Variants in PRPF18 observed in about 807,000 individuals in gnomAD.
PRPF18 encodes the protein pre-mRNA processing factor 18.
In PRPF18, 38 loss-of-function variants were observed where a neutral mutation model predicts 46.5. The observed-to-expected ratio is 0.82, with a 90% CI of 0.63 to 1.07. The LOEUF (loss-of-function observed/expected upper bound fraction) is 1.07, where lower values mean the gene tolerates loss of function less well. Among genes scored for constraint, PRPF18 ranks in the 50% least tolerant of loss-of-function variants. The pLI, the probability that PRPF18 is intolerant of heterozygous loss-of-function variation, is 0.00. For synonymous variants in PRPF18, 152 were observed against 146.7 expected (o/e 1.04, Z -0.26); for missense variants, 263 against 410.0 (o/e 0.64, Z 3.10).
intron 8 of PRPF18, 138 bp from the exon 9 acceptor site, chr10:13,616,260 C>G: frequency 2.4e-6 from 2 of 820,550 alleles, no homozygotes; most frequent in South Asian, 3.8e-5. Flanking sequence ...GTTTGAATAA[C>G]AGTCATGGTA....
intron 9 of PRPF18, among the ~76,000 whole-genome samples, chr10:13,627,332 G>A (rs2080523382): frequency 6.6e-6 from 1 of 152,108 alleles, no homozygotes; most frequent in Non-Finnish European, 1.5e-5. Context: ...CTTCGCTACT[G>A]TATTTCCAGA....
In PRPF18 at chr10:13,616,698, A is replaced by G. The variant is rs2080345817; in HGVS notation, c.948+145A>G. 3.0e-6 allele frequency: 3 copies of G among 995,152 alleles called. No homozygotes were observed. The East Asian group carries it at 7.8e-5, about 26-fold the overall frequency. 61.6% of individuals were successfully genotyped at this position (995,152 alleles called of 1,614,324 possible). On this transcript the variant is annotated intron_variant, in intron 9 of 9. Coordinates refer to ENST00000378572, the MANE Select transcript of PRPF18 (RefSeq NM_003675.4). Reference sequence around the variant, plus strand: ...AAGTCCCCTCTGGATAAGCACTGACACTGAAGCCACCTTCACTGAATAAAG... The same window carrying G: ...AAGTCCCCTCTGGATAAGCACTGACGCTGAAGCCACCTTCACTGAATAAAG...
intron 5 of PRPF18, among the ~76,000 whole-genome samples, chr10:13,610,455 G>A (rs926451348): frequency 1.3e-5 from 2 of 152,150 alleles, no homozygotes; most frequent in Non-Finnish European, 2.9e-5. Context: ...TGTTTTGTGA[G>A]CATGTATTTT....
downstream of PRPF18, chr10:13,631,014 C>G (rs1260324145): frequency 6.6e-6 from 1 of 152,164 alleles, no homozygotes; most frequent in East Asian, 1.9e-4. Context: ...TCATAGCAAA[C>G]TAAGTTCAAA....
intron 9 of PRPF18, among the ~76,000 whole-genome samples, chr10:13,623,305 G>C (rs1454788403): frequency 1.3e-5 from 2 of 152,142 alleles, no homozygotes; most frequent in East Asian, 3.8e-4. Context: ...TACTTACTAA[G>C]TACACATTTT....
chr10:13,641,965 G>A, the PRPF18 span: 9 of 152,166 alleles, frequency 5.9e-5, no homozygotes, highest in Admixed American at 5.9e-4. Flanking sequence ...CAATCTTGGT[G>A]CCATTATAAT....
intron 9 of PRPF18, among the ~76,000 whole-genome samples, chr10:13,622,486 C>T (rs532131542): frequency 6.6e-5 from 10 of 152,292 alleles, no homozygotes; most frequent in East Asian, 1.9e-4. Context: ...CTGGTACTCA[C>T]GTAAATGAAA....
intron 1 of PRPF18, among the ~76,000 whole-genome samples, chr10:13,588,501 C>T (rs936697098): frequency 6.6e-6 from 1 of 151,136 alleles, no homozygotes; most frequent in South Asian, 2.1e-4. Context: ...CGCTTGAGCC[C>T]AGGAGTTCAG....
chr10:13,609,550 C>T (rs1035022717), intron 4 of PRPF18, among the ~76,000 whole-genome samples: 4 of 152,126 alleles, frequency 2.6e-5, no homozygotes, highest in African/African-American at 9.7e-5. Context: ...GCATAAAATG[C>T]GAATTTGCTG....
At chr10:13,623,631 C>G (rs561361507) in intron 9 of PRPF18, among the ~76,000 whole-genome samples, 1 of 152,242 alleles carries the variant, frequency 6.6e-6, no homozygotes, top group African/African-American at 2.4e-5. Flanking sequence ...AACAAAATAT[C>G]TTCCTCAAGT....
chr10:13,608,218 A>G (rs956669005), intron 4 of PRPF18, among the ~76,000 whole-genome samples: 6 of 152,218 alleles, frequency 3.9e-5, no homozygotes, highest in Non-Finnish European at 7.3e-5. Context: ...ATTGAGCAGT[A>G]TCTTGCTTGG....
the PRPF18 span, chr10:13,642,914 G>T: frequency 2.0e-5 from 3 of 152,184 alleles, no homozygotes; most frequent in African/African-American, 7.2e-5. Context: ...TAGCTCTAGT[G>T]GCCAAGGCTT....
intron 1 of PRPF18, chr10:13,591,879 G>A (rs552198500): frequency 1.2e-5 from 17 of 1,421,626 alleles, no homozygotes; most frequent in South Asian, 1.1e-4. Context: ...TGATCAGAAC[G>A]TTCCCCGGGG....
intron 4 of PRPF18, 66 bp from the exon 5 acceptor site, chr10:13,609,973 C>T: frequency 1.4e-6 from 2 of 1,453,082 alleles, no homozygotes; most frequent in South Asian, 2.6e-5. Context: ...AATGAAAAAT[C>T]AAAGGTGAAA....
intron 8 of PRPF18, among the ~76,000 whole-genome samples, chr10:13,615,345 A>G (rs1327562186): frequency 1.3e-5 from 2 of 152,244 alleles, no homozygotes; most frequent in Non-Finnish European, 2.9e-5. Context: ...CTGTTTAGAC[A>G]GTTTCTTTGA....
chr10:13,594,785 A>G (rs1019736248), intron 1 of PRPF18, among the ~76,000 whole-genome samples: 2 of 152,170 alleles, frequency 1.3e-5, no homozygotes, highest in East Asian at 1.9e-4. Flanking sequence ...GGTGGTAAAT[A>G]CTATCATTGT....
At chr10:13,647,594 G>A in the PRPF18 span, 14 of 152,252 alleles carry the variant, frequency 9.2e-5, no homozygotes, top group East Asian at 2.1e-3. Flanking sequence ...TGAAACTGCG[G>A]TGGTATTTTG....
chr10:13,631,330 C>CT (rs1157084332), downstream of PRPF18: 1 of 152,294 alleles, frequency 6.6e-6, no homozygotes, highest in Non-Finnish European at 1.5e-5. Flanking sequence ...AGTGGATGCT[C>CT]CCGGAGCAGG....
rs529131158 is a variant in PRPF18 at position 13,588,149 on chromosome 10, G to A, written c.66+997G>A. On this transcript the variant is annotated intron_variant, in intron 1 of 9. Coordinates refer to ENST00000378572, the MANE Select transcript of PRPF18 (RefSeq NM_003675.4). Reference sequence around the variant, plus strand: ...GGAGGAAGGGCCGCCGGGCGCGGTGGCTCACACCTGTAATCCCCACACTTT... The same window carrying A: ...GGAGGAAGGGCCGCCGGGCGCGGTGACTCACACCTGTAATCCCCACACTTT... Among the ~76,000 whole-genome samples the A allele has an allele frequency of 7.9e-5, 12 of 152,276 alleles. No homozygotes were observed. In the South Asian group the frequency reaches 2.1e-3, roughly 26 times the overall value.
Sources: allele counts gnomAD v4.1 joint callset (sites outside exome capture counted in the v4.1 genomes callset), GRCh38; gene constraint gnomAD v4.1.1; transcripts MANE v1.5; gene names NCBI Gene and HGNC (gene_info 2026-07-23, HGNC 2026-07-21).